Variants in ARID4A observed in about 807,000 individuals in gnomAD.
ARID4A encodes the protein AT-rich interactive domain-containing protein 4A.
Under a neutral mutation model 148.6 loss-of-function variants are expected in ARID4A, and 39 were observed. The ratio of observed to expected loss-of-function variants is 0.26; its 90% CI spans 0.20 to 0.34. The LOEUF (loss-of-function observed/expected upper bound fraction) is 0.34. Among genes scored for constraint, ARID4A ranks in the 10% least tolerant of loss-of-function variants. The pLI, the probability that ARID4A is intolerant of heterozygous loss-of-function variation, is 1.00. For missense variants in ARID4A, 1,265 were observed against 1,449.1 expected, an observed-to-expected ratio of 0.87 and a Z score of 2.06; for synonymous variants, 475 against 481.2, an observed-to-expected ratio of 0.99 and a Z score of 0.17.
Position 58,328,540 on chromosome 14 carries a change from G to GTT in ARID4A, c.662+233_662+234dup, listed in dbSNP as rs76707430. Among the ~76,000 whole-genome samples, 3 of 147,342 alleles carry GTT rather than the reference G, an allele frequency of 2.0e-5. No homozygotes were observed. The South Asian group carries it at 6.4e-4, about 32-fold the overall frequency. ...TTATGTGAGAACAATATTAAGAACA[G>GTT]TTTTTTTTTTAGCAAAAGATGGTAT... On this transcript the variant is annotated intron_variant, in intron 9 of 23. Transcript: ENST00000355431.
At position 58,304,964 on chromosome 14, in the gene ARID4A, T is replaced by C; in HGVS notation, c.138T>C (p.Asn46=). 1.2e-6 allele frequency: 2 copies of C among 1,608,732 alleles called. No individual in the cohort carries two copies. The highest frequency in any genetic ancestry group is 1.7e-6 in the Non-Finnish European group (2 of 1,178,204). Residue 46 remains asparagine (N), a synonymous_variant, in exon 4 of 24, where the codon AAT becomes AAC. Transcript: ENST00000355431. ...VKVKVLLKQD[N]TTQLVQDDQV... is the part of the protein sequence containing the mutation. ...TTCAGGTACTCCTGAAACAGGATAA[T>C]ACCACACAATTGGTACAAGATGACC...
At chr14:58,347,201 C>T in intron 14 of ARID4A, 84 bp downstream of exon 14, 1 of 671,860 alleles carries the variant, frequency 1.5e-6, no homozygotes, top group South Asian at 3.3e-5. Flanking sequence ...ATACATCAAT[C>T]TAGAAACATT....
At chr14:58,357,482 C>T (rs561919571) in intron 17 of ARID4A, among the ~76,000 whole-genome samples, 15 of 152,290 alleles carry the variant, frequency 9.8e-5, no homozygotes, top group African/African-American at 2.9e-4. Flanking sequence ...TCTATTAATA[C>T]GCTACAGTCT....
At chr14:58,322,155 A>C (rs540987483) in intron 7 of ARID4A, among the ~76,000 whole-genome samples, 15 of 151,894 alleles carry the variant, frequency 9.9e-5, no homozygotes, top group African/African-American at 3.6e-4. Flanking sequence ...GTTTTAGTAG[A>C]GATGGGGTTT....
chr14:58,312,965 ATGG>A (rs1392626799), intron 5 of ARID4A, among the ~76,000 whole-genome samples: 1 of 152,178 alleles, frequency 6.6e-6, no homozygotes, highest in Non-Finnish European at 1.5e-5. Context: ...TAACAGGGAA[ATGG>A]GTCTTTGTAT....
chr14:58,359,326 G>T, intron 18 of ARID4A, 110 bp downstream of exon 18: 1 of 1,056,862 alleles, frequency 9.5e-7, no homozygotes, highest in African/African-American at 1.6e-5. Flanking sequence ...AAGATTGAGA[G>T]CAAGGTATAT....
chr14:58,355,635 C>G (rs1412081520), intron 17 of ARID4A, among the ~76,000 whole-genome samples: 1 of 152,204 alleles, frequency 6.6e-6, no homozygotes, highest in African/African-American at 2.4e-5. Context: ...AGAACCATGC[C>G]TGGCACTTAG....
Position 58,351,331 on chromosome 14 carries a change from A to G in ARID4A, c.1655+8A>G. ...AGAGAAAAGCCAAGAGAGGTACATT[A>G]TCTTATGTTTGTTCTCCAGAAGCAC... is the stretch of plus-strand genomic sequence containing the variant. On this transcript the variant is annotated splice_region_variant and intron_variant, in intron 16 of 23. Coordinates refer to ENST00000355431, the MANE Select transcript of ARID4A (RefSeq NM_002892.4). 2.5e-6 allele frequency: 4 copies of G among 1,587,780 alleles called. No homozygotes were observed. The highest frequency in any genetic ancestry group is 3.4e-6 in the Non-Finnish European group (4 of 1,173,308).
intron 11 of ARID4A, among the ~76,000 whole-genome samples, chr14:58,335,075 T>C (rs2033741539): frequency 6.6e-6 from 1 of 152,178 alleles, no homozygotes; most frequent in Non-Finnish European, 1.5e-5. Context: ...CACCAGTGAC[T>C]CCAACAAACT....
chr14:58,310,761 CA>C (rs1255211752), intron 5 of ARID4A, among the ~76,000 whole-genome samples: 3 of 148,206 alleles, frequency 2.0e-5, no homozygotes, highest in African/African-American at 7.5e-5. Context: ...GGCAGAAAAG[CA>C]AAACTAGACA....
At chr14:58,336,985 G>A (rs1398621590) in intron 11 of ARID4A, among the ~76,000 whole-genome samples, 2 of 150,406 alleles carry the variant, frequency 1.3e-5, no homozygotes, top group Non-Finnish European at 3.0e-5. Flanking sequence ...TCCGCCTCCC[G>A]AGTTCAAGTG....
chr14:58,360,820 T>A lies in ARID4A; in HGVS notation c.1939-81T>A, dbSNP rs543599496. ...ATAAAATATCAAACCTTTTTTGAGA[T>A]GTAGTTTTCTTTGGATAAGTAGAAT... On this transcript the variant is annotated intron_variant, in intron 18 of 23. Coordinates refer to ENST00000355431, the MANE Select transcript of ARID4A (RefSeq NM_002892.4). 52 of 1,402,082 alleles carry A rather than the reference T, an allele frequency of 3.7e-5. No individual in the cohort carries two copies. The East Asian group carries it at 1.1e-3, about 31-fold the overall frequency. The allele number at this position is 1,402,082 out of a possible 1,614,324, so 86.9% of individuals were successfully genotyped here.
intron 23 of ARID4A, among the ~76,000 whole-genome samples, chr14:58,369,020 C>T (rs1183707365): frequency 6.6e-6 from 1 of 151,864 alleles, no homozygotes; most frequent in East Asian, 1.9e-4. Context: ...AGAAGGATAT[C>T]TTTAAAATAT....
chr14:58,319,865 T>C (rs977267525), intron 7 of ARID4A, among the ~76,000 whole-genome samples: 8 of 151,748 alleles, frequency 5.3e-5, no homozygotes, highest in Admixed American at 4.6e-4. Flanking sequence ...ATATACTCTT[T>C]ATCTAGATTT....
At chr14:58,313,476 T>C (rs2032194366) in intron 5 of ARID4A, among the ~76,000 whole-genome samples, 2 of 152,164 alleles carry the variant, frequency 1.3e-5, no homozygotes, top group African/African-American at 4.8e-5. Context: ...CAGGTGGTAA[T>C]GCTTGCTTGC....
intron 18 of ARID4A, among the ~76,000 whole-genome samples, chr14:58,359,575 A>G (rs762860399): frequency 2.6e-5 from 4 of 152,156 alleles, no homozygotes; most frequent in Non-Finnish European, 5.9e-5. Flanking sequence ...TTACTGCCCT[A>G]AAAATCCTTT....
In ARID4A at chr14:58,372,473, GC is replaced by G. The variant is rs1426069660; in HGVS notation, c.*485del. ...TTTTTTTATTTTTGTGGAAGCACTT[GC>G]TATTTAGAACTGCCAAAGTATATGT... On this transcript the variant is annotated 3_prime_UTR_variant, in exon 24 of 24. Transcript: ENST00000355431. 1 of 227,090 alleles carries G rather than the reference GC, an allele frequency of 4.4e-6. No homozygotes were observed. Among genetic ancestry groups the G allele is most frequent in the East Asian group, 6.5e-5 (1 of 15,288 alleles). The allele number at this position is 227,090 out of a possible 1,614,324, so 14.1% of individuals were successfully genotyped here. A position where few individuals can be genotyped will look rare whatever the true frequency, so the allele number is the denominator to read the frequency against.
At chr14:58,344,413 C>T (rs1031401951) in intron 11 of ARID4A, among the ~76,000 whole-genome samples, 13 of 152,088 alleles carry the variant, frequency 8.5e-5, no homozygotes, top group Admixed American at 2.0e-4. Flanking sequence ...GAGGTGAAAA[C>T]GTAACACTCC....
In ARID4A at chr14:58,365,251, C is replaced by T. The variant is rs1220097542; in HGVS notation, c.3162C>T (p.Ala1054=). The T allele has an allele frequency of 7.4e-6, 12 of 1,613,816 alleles. No individual in the cohort carries two copies. The highest frequency in any genetic ancestry group is 1.0e-5 in the Non-Finnish European group (12 of 1,179,940). The part of the protein sequence containing the change: ...ESANGFETNV[A]SGTCSIIVQE... ...CAAATGGATTTGAAACTAATGTTGC[C>T]TCTGGTACCTGTAGTATAATTGTAC... Residue 1054 remains alanine, a synonymous_variant, in exon 20 of 24, where the codon GCC becomes GCT. Coordinates refer to ENST00000355431, the MANE Select transcript of ARID4A (RefSeq NM_002892.4).
Sources: gnomAD v4.1 joint callset for allele counts (sites outside exome capture counted in the v4.1 genomes callset) on GRCh38, gnomAD v4.1.1 for gene constraint, MANE v1.5 for transcripts, NCBI Gene and HGNC (gene_info 2026-07-23, HGNC 2026-07-21) for gene names.